Variants in MYO10 observed in about 807,000 individuals in gnomAD.
MYO10 encodes unconventional myosin-X.
In MYO10, 133 loss-of-function variants were observed where a neutral mutation model predicts 257.3. That is an observed-to-expected ratio of 0.52 (90% CI 0.45 to 0.60). MYO10 has a LOEUF of 0.60. MYO10 is among the 20% of genes least tolerant of loss of function. The probability of loss-of-function intolerance (pLI) is 0.00; values close to 1 mark genes in which losing one functional copy is unlikely to be tolerated. For synonymous variants in MYO10, 1,104 were observed against 1,028.6 expected, an observed-to-expected ratio of 1.07 and a Z score of -1.40; for missense variants, 2,399 against 2,635.7, an observed-to-expected ratio of 0.91 and a Z score of 1.97.
At chr5:16,904,687 T>C (rs1195921804) in intron 1 of MYO10, among the ~76,000 whole-genome samples, 1 of 152,052 alleles carries the variant, frequency 6.6e-6, no homozygotes, top group African/African-American at 2.4e-5. Flanking sequence ...CCCAGCACTT[T>C]GGGAGGCCGA....
intron 1 of MYO10, among the ~76,000 whole-genome samples, chr5:16,928,065 T>C (rs1206935049): frequency 6.6e-6 from 1 of 152,206 alleles, no homozygotes; most frequent in Non-Finnish European, 1.5e-5. Flanking sequence ...AAGAAGATTC[T>C]ATCAAAAAAC....
intron 2 of MYO10, among the ~76,000 whole-genome samples, chr5:16,819,901 G>A (rs1742745834): frequency 6.6e-6 from 1 of 152,208 alleles, no homozygotes; most frequent in Non-Finnish European, 1.5e-5. Flanking sequence ...AGCCAGTCCT[G>A]AGAAACTGCT....
intron 19 of MYO10, among the ~76,000 whole-genome samples, chr5:16,733,570 G>C (rs1466477943): frequency 6.6e-6 from 1 of 151,980 alleles, no homozygotes; most frequent in Non-Finnish European, 1.5e-5. Context: ...GGAAGGCCTG[G>C]TGGGAAGAGG....
At chr5:16,812,312 C>A (rs994119330) in intron 3 of MYO10, among the ~76,000 whole-genome samples, 1 of 152,158 alleles carries the variant, frequency 6.6e-6, no homozygotes, top group Non-Finnish European at 1.5e-5. Context: ...TTACAGCCAG[C>A]GCAGAGGGGC....
chr5:16,686,282 T>C (rs1221108653), intron 28 of MYO10, among the ~76,000 whole-genome samples: 1 of 152,068 alleles, frequency 6.6e-6, no homozygotes, highest in African/African-American at 2.4e-5. Context: ...TCAATATAGG[T>C]TGAGCATCCA....
At chr5:16,856,765 C>T (rs890541863) in intron 2 of MYO10, among the ~76,000 whole-genome samples, 1 of 152,086 alleles carries the variant, frequency 6.6e-6, no homozygotes, top group Non-Finnish European at 1.5e-5. Context: ...GAGTCCAACG[C>T]TGCAGTCATG....
At chr5:16,672,419 C>T (rs1273127208) in intron 37 of MYO10, among the ~76,000 whole-genome samples, 2 of 151,588 alleles carry the variant, frequency 1.3e-5, no homozygotes, top group Non-Finnish European at 2.9e-5. Flanking sequence ...CCTAAAAAAT[C>T]AAGAAATACC....
intron 3 of MYO10, among the ~76,000 whole-genome samples, chr5:16,804,540 G>A (rs75186125): frequency 0.012 from 1,891 of 152,216 alleles, 51 homozygotes; most frequent in African/African-American, 0.043. Flanking sequence ...AAATAACACC[G>A]GCAACCATAG....
chr5:16,884,990 A>T (rs945435635), intron 1 of MYO10, among the ~76,000 whole-genome samples: 7 of 152,150 alleles, frequency 4.6e-5, no homozygotes, highest in African/African-American at 1.7e-4. Flanking sequence ...AATCCCATGA[A>T]CTTCAAAAAT....
chr5:16,681,289 C>A lies in MYO10; in HGVS notation c.4384+20G>T. The A allele has an allele frequency of 6.3e-7, 1 of 1,596,190 alleles. No individual in the cohort carries two copies. The highest frequency in any genetic ancestry group is 1.1e-5 in the South Asian group (1 of 87,594). On this transcript the variant is annotated intron_variant, in intron 32 of 40. Coordinates refer to ENST00000513610, the MANE Select transcript of MYO10 (RefSeq NM_012334.3). ...ACTTTAAGATTTGATGCTCAGGGTTCGGGCAGCCAGCCTGGTTACCTGTCT... is the reference window on the plus strand; with the variant it reads ...ACTTTAAGATTTGATGCTCAGGGTTAGGGCAGCCAGCCTGGTTACCTGTCT...
At chr5:16,803,512 C>T (rs1742183162) in intron 3 of MYO10, among the ~76,000 whole-genome samples, 1 of 152,130 alleles carries the variant, frequency 6.6e-6, no homozygotes, top group Non-Finnish European at 1.5e-5. Flanking sequence ...ATAGACTATT[C>T]AGGAAGAGAG....
Position 16,689,806 on chromosome 5 carries a change from TCA to T in MYO10, c.3896+16_3896+17del. 3 of 1,589,174 alleles carry T rather than the reference TCA, an allele frequency of 1.9e-6. No individual in the cohort carries two copies. Among genetic ancestry groups the T allele is most frequent in the Non-Finnish European group, 2.6e-6 (3 of 1,157,690 alleles). On this transcript the variant is annotated intron_variant, in intron 28 of 40. Transcript: ENST00000513610. ...GGAGCAGGATGTGGGTAACACAAAGTCAACAGCGCAGACTCACCTGGCATCTT... is the reference window on the plus strand; with the variant it reads ...GGAGCAGGATGTGGGTAACACAAAGTACAGCGCAGACTCACCTGGCATCTT...
At chr5:16,827,502 G>T (rs1029072231) in intron 2 of MYO10, among the ~76,000 whole-genome samples, 11 of 152,128 alleles carry the variant, frequency 7.2e-5, no homozygotes, top group African/African-American at 2.7e-4. Context: ...GGCCAGGCTG[G>T]TCTCGAACTC....
intron 19 of MYO10, among the ~76,000 whole-genome samples, chr5:16,751,492 AT>A (rs1407687204): frequency 1.3e-5 from 2 of 151,382 alleles, no homozygotes; most frequent in Non-Finnish European, 2.9e-5. Flanking sequence ...TTATTTTTTC[AT>A]TTTTTTGAGA....
chr5:16,897,756 A>G (rs1745256508), intron 1 of MYO10, among the ~76,000 whole-genome samples: 2 of 152,196 alleles, frequency 1.3e-5, no homozygotes, highest in South Asian at 4.1e-4. Flanking sequence ...TACAAGATCT[A>G]GCGTGATTGT....
chr5:16,895,231 T>G (rs912167757), intron 1 of MYO10, among the ~76,000 whole-genome samples: 1 of 152,218 alleles, frequency 6.6e-6, no homozygotes, highest in Non-Finnish European at 1.5e-5. Context: ...TCACTCAAAA[T>G]TTGGAAATTC....
At chr5:16,755,819 CATTT>C (rs1380741954) in intron 18 of MYO10, among the ~76,000 whole-genome samples, 2 of 150,194 alleles carry the variant, frequency 1.3e-5, no homozygotes, top group Non-Finnish European at 3.0e-5. Context: ...GGGCTAATCT[CATTT>C]CGCCTGATCC....
At chr5:16,682,619 T>C (rs1737058282) in intron 30 of MYO10, among the ~76,000 whole-genome samples, 1 of 152,162 alleles carries the variant, frequency 6.6e-6, no homozygotes, top group African/African-American at 2.4e-5. Flanking sequence ...CCCTTGCTAA[T>C]ATAAATACTA....
In MYO10 at chr5:16,668,334, C is replaced by T. The variant is rs765429025; in HGVS notation, c.6018G>A (p.Leu2006=). 6.2e-6 allele frequency: 10 copies of T among 1,613,880 alleles called. No individual in the cohort carries two copies. Among genetic ancestry groups the T allele is most frequent in the African/African-American group, 4.0e-5 (3 of 74,914 alleles). The part of the protein sequence containing the change: ...YEHILSFGAP[L]ANTYKIVVDE... ...CGACCACGATCTTATACGTATTCGC[C>T]AGGGGTGCCCCAAAAGAGAGGATGT... The change falls in exon 40 of 41, where the codon CTG becomes CTA. Residue 2006 remains leucine (L), a synonymous_variant. Transcript: ENST00000513610.
Sources: gnomAD v4.1 joint callset for allele counts (sites outside exome capture counted in the v4.1 genomes callset) on GRCh38, gnomAD v4.1.1 for gene constraint, MANE v1.5 for transcripts, NCBI Gene and HGNC (gene_info 2026-07-23, HGNC 2026-07-21) for gene names.